Variants in DNAJC1 observed in about 807,000 individuals in gnomAD.
The protein encoded by DNAJC1 is dnaJ homolog subfamily C member 1.
Under a neutral mutation model 76.6 loss-of-function variants are expected in DNAJC1, and 58 were observed. The observed-to-expected ratio is 0.76, with a 90% CI of 0.61 to 0.94. DNAJC1 has a LOEUF of 0.94. Ranked by LOEUF, DNAJC1 falls within the 40% of genes least tolerant of loss-of-function variation. The pLI is 0.00. For synonymous variants in DNAJC1, 258 were observed against 267.9 expected (o/e 0.96, Z 0.36); for missense variants, 689 against 677.3 (o/e 1.02, Z -0.19).
Position 21,813,161 on chromosome 10 carries a change from TCTCTCTCTCTCTCC to T in DNAJC1, c.979-7076_979-7063del, listed in dbSNP as rs1271163897. Reference sequence around the variant, plus strand: ...TTCTTGGGTTACTTGTCTCTCTCTCTCTCTCTCTCTCTCCCTCTCTCTCTCTCTCTCTCTCTCTC... The same window carrying T: ...TTCTTGGGTTACTTGTCTCTCTCTCTCTCTCTCTCTCTCTCTCTCTCTCTC... On this transcript the variant is annotated intron_variant, in intron 8 of 11. Coordinates refer to ENST00000376980, the MANE Select transcript of DNAJC1 (RefSeq NM_022365.4). Among the ~76,000 whole-genome samples, 428 of 84,606 alleles carry T rather than the reference TCTCTCTCTCTCTCC, an allele frequency of 5.1e-3. 2 individuals are homozygous for T. Among genetic ancestry groups the T allele is most frequent in the Non-Finnish European group, 7.3e-3 (339 of 46,600 alleles). The allele number at this position is 84,606 out of a possible 152,430, so 55.5% of individuals were successfully genotyped here.
chr10:21,878,604 CCTAA>C (rs1163191805), intron 8 of DNAJC1, among the ~76,000 whole-genome samples: 2 of 152,014 alleles, frequency 1.3e-5, no homozygotes, highest in Non-Finnish European at 2.9e-5. Flanking sequence ...GCATGACATA[CCTAA>C]CTTTTTCTTA....
At chr10:21,999,747 C>T (rs1838487178) in intron 1 of DNAJC1, among the ~76,000 whole-genome samples, 1 of 152,186 alleles carries the variant, frequency 6.6e-6, no homozygotes, top group African/African-American at 2.4e-5. Flanking sequence ...GCCACCACAC[C>T]CGGCTCCTTG....
At chr10:21,857,890 GTA>G (rs1351974122) in intron 8 of DNAJC1, among the ~76,000 whole-genome samples, 1 of 151,876 alleles carries the variant, frequency 6.6e-6, no homozygotes, top group Non-Finnish European at 1.5e-5. Context: ...AAAAAACCGG[GTA>G]TGTTTGTGTG....
At chr10:21,868,920 T>C (rs1270809749) in intron 8 of DNAJC1, among the ~76,000 whole-genome samples, 1 of 151,980 alleles carries the variant, frequency 6.6e-6, no homozygotes, top group Non-Finnish European at 1.5e-5. Context: ...CAAAACAGAT[T>C]CTTTGTAGCA....
intron 1 of DNAJC1, among the ~76,000 whole-genome samples, chr10:21,973,297 G>A (rs1170514698): frequency 6.6e-6 from 1 of 152,078 alleles, no homozygotes; most frequent in Non-Finnish European, 1.5e-5. Flanking sequence ...CAGTTATTAG[G>A]TTAAGTTTTA....
At chr10:21,813,873 G>A (rs1290600901) in intron 8 of DNAJC1, among the ~76,000 whole-genome samples, 2 of 152,180 alleles carry the variant, frequency 1.3e-5, no homozygotes, top group African/African-American at 2.4e-5. Context: ...TAAGCTCAGA[G>A]AACAAGCAGA....
At chr10:21,823,712 C>A (rs1835195942) in intron 8 of DNAJC1, among the ~76,000 whole-genome samples, 2 of 150,286 alleles carry the variant, frequency 1.3e-5, no homozygotes, top group Admixed American at 1.3e-4. Context: ...ATAAAATACA[C>A]TAATGCTAAC....
chr10:21,848,110 T>C, intron 8 of DNAJC1, among the ~76,000 whole-genome samples: 1 of 152,218 alleles, frequency 6.6e-6, no homozygotes, highest in Admixed American at 6.5e-5. Context: ...TCTACATCCT[T>C]GCCAACACTT....
intron 1 of DNAJC1, among the ~76,000 whole-genome samples, chr10:21,948,645 CTAT>C (rs1432983250): frequency 6.6e-6 from 1 of 152,070 alleles, no homozygotes. Flanking sequence ...TGTAATTGTT[CTAT>C]TATTATTCCT....
At position 21,803,179 on chromosome 10, in the gene DNAJC1, C is replaced by T. The variant is rs141007678; in HGVS notation, c.1098+2801G>A. 8.0e-3 allele frequency among the ~76,000 whole-genome samples: 1,208 copies of T among 151,918 alleles called. 7 individuals carry two copies. Among genetic ancestry groups the T allele is most frequent in the Middle Eastern group, 0.027 (8 of 294 alleles). ...ACCCAAATAAAGAATCACATAAATC[C>T]CACCACTGGCACACACTCACCTCTC... is the stretch of plus-strand genomic sequence containing the variant. On this transcript the variant is annotated intron_variant, in intron 9 of 11. Coordinates refer to ENST00000376980, the MANE Select transcript of DNAJC1 (RefSeq NM_022365.4).
chr10:21,802,868 G>A (rs1343065266), intron 9 of DNAJC1, among the ~76,000 whole-genome samples: 3 of 152,052 alleles, frequency 2.0e-5, no homozygotes, highest in Non-Finnish European at 2.9e-5. Context: ...TTTTGTTTCC[G>A]CTGTTATTTT....
At chr10:21,831,111 T>G (rs117970377) in intron 8 of DNAJC1, among the ~76,000 whole-genome samples, 5,402 of 152,228 alleles carry the variant, frequency 0.035, 171 homozygotes, top group African/African-American at 0.07. Flanking sequence ...GGTGGGGTAG[T>G]GGGGGTGGTC....
chr10:21,801,072 T>C (rs976439957), intron 9 of DNAJC1, among the ~76,000 whole-genome samples: 2 of 152,042 alleles, frequency 1.3e-5, no homozygotes, highest in South Asian at 2.1e-4. Flanking sequence ...AGCTGTAAAA[T>C]AGGGAAAAAT....
intron 6 of DNAJC1, among the ~76,000 whole-genome samples, chr10:21,910,964 G>A (rs937844387): frequency 6.9e-6 from 1 of 145,012 alleles, no homozygotes; most frequent in South Asian, 2.2e-4. Context: ...GAGAGAGAAA[G>A]AAAGAGGGGG....
intron 8 of DNAJC1, among the ~76,000 whole-genome samples, chr10:21,871,598 T>A (rs1165506928): frequency 6.6e-6 from 1 of 152,052 alleles, no homozygotes; most frequent in Non-Finnish European, 1.5e-5. Flanking sequence ...AGTAGAGATC[T>A]GATTTTCATA....
chr10:21,876,911 T>C (rs889584218), intron 8 of DNAJC1, among the ~76,000 whole-genome samples: 1 of 152,214 alleles, frequency 6.6e-6, no homozygotes, highest in African/African-American at 2.4e-5. Flanking sequence ...ATATTGTTAA[T>C]TGAAATGTTT....
At chr10:21,840,658 G>A (rs1490399367) in intron 8 of DNAJC1, among the ~76,000 whole-genome samples, 6 of 152,092 alleles carry the variant, frequency 3.9e-5, no homozygotes, top group African/African-American at 9.7e-5. Flanking sequence ...AATCAATATC[G>A]TGAAAATGGC....
intron 9 of DNAJC1, among the ~76,000 whole-genome samples, chr10:21,778,177 G>C (rs954165476): frequency 7.2e-5 from 11 of 152,142 alleles, no homozygotes; most frequent in African/African-American, 2.7e-4. Context: ...CTGGGCGACA[G>C]AGTGAGACTT....
intron 9 of DNAJC1, among the ~76,000 whole-genome samples, chr10:21,799,843 C>G (rs1446625043): frequency 6.6e-6 from 1 of 152,124 alleles, no homozygotes; most frequent in Non-Finnish European, 1.5e-5. Context: ...TACCATCACA[C>G]TTGGTCAGTT....
Sources: gnomAD v4.1 joint callset for allele counts (sites outside exome capture counted in the v4.1 genomes callset) on GRCh38, gnomAD v4.1.1 for gene constraint, MANE v1.5 for transcripts, NCBI Gene and HGNC (gene_info 2026-07-23, HGNC 2026-07-21) for gene names.